NRG1: variants seen among roughly 807,000 people sequenced by gnomAD.
The protein encoded by NRG1 is pro-neuregulin-1, membrane-bound isoform.
In NRG1, 18 loss-of-function variants were observed where a neutral mutation model predicts 63.8. The ratio of observed to expected loss-of-function variants is 0.28; its 90% CI spans 0.19 to 0.42. The LOEUF (loss-of-function observed/expected upper bound fraction) is 0.42, where lower values mean the gene tolerates loss of function less well. Among genes scored for constraint, NRG1 ranks in the 10% least tolerant of loss-of-function variants. The pLI, the probability that NRG1 is intolerant of heterozygous loss-of-function variation, is 1.00. For missense variants in NRG1, 762 were observed against 814.7 expected (o/e 0.94, Z 0.79); for synonymous variants, 302 against 301.3 (o/e 1.00, Z -0.02).
At chr8:32,303,785 A>G (rs542698385) in intron 1 of NRG1, among the ~76,000 whole-genome samples, 4 of 152,358 alleles carry the variant, frequency 2.6e-5, no homozygotes, top group Admixed American at 2.6e-4. Flanking sequence ...TTTGTCTAAT[A>G]TTAACACAGT....
chr8:31,746,000 G>A (rs148369448), intron 1 of NRG1, among the ~76,000 whole-genome samples: 123 of 151,944 alleles, frequency 8.1e-4, no homozygotes, highest in African/African-American at 2.7e-3. Flanking sequence ...CTCTCTTGAC[G>A]ATAACTACTT....
chr8:32,099,605 A>C (rs1266080200), intron 1 of NRG1: 2 of 152,254 alleles, frequency 1.3e-5, no homozygotes, highest in African/African-American at 4.8e-5. Context: ...GGAGGAAAAC[A>C]TTTTGGATGG....
intron 1 of NRG1, among the ~76,000 whole-genome samples, chr8:31,743,576 G>T (rs1322232861): frequency 6.6e-6 from 1 of 150,734 alleles, no homozygotes; most frequent in African/African-American, 2.4e-5. Flanking sequence ...GTGTGTGTGG[G>T]TGTGTGTGTG....
intron 1 of NRG1, among the ~76,000 whole-genome samples, chr8:32,129,530 T>C (rs1219384249): frequency 2.0e-5 from 3 of 151,984 alleles, no homozygotes; most frequent in Non-Finnish European, 4.4e-5. Flanking sequence ...CCTATCCTAA[T>C]GGCCTCATCT....
chr8:32,625,386 G>T (rs939347772), intron 5 of NRG1, among the ~76,000 whole-genome samples: 9 of 152,170 alleles, frequency 5.9e-5, no homozygotes, highest in Admixed American at 1.3e-4. Context: ...TTGGTGTTTA[G>T]GTTGAATTTA....
At chr8:32,558,735 C>G (rs143939587) in intron 1 of NRG1, among the ~76,000 whole-genome samples, 2 of 152,246 alleles carry the variant, frequency 1.3e-5, no homozygotes, top group East Asian at 3.9e-4. Flanking sequence ...TGCATTTCAT[C>G]CACAGCTGGA....
In NRG1 at chr8:31,711,167, C is replaced by T. The variant is rs564509662; in HGVS notation, c.37+71736C>T. Among the ~76,000 whole-genome samples the T allele has an allele frequency of 2.0e-5, 3 of 152,214 alleles. No homozygotes were observed. The South Asian group carries it at 6.2e-4, about 32-fold the overall frequency. The stretch of plus-strand genomic sequence containing the variant: ...ATTTTTAAAAATTTTACCAGTTCTG[C>T]TTGGCAGAGCACATAATATTAACAT... On this transcript the variant is annotated intron_variant, in intron 1 of 10. Transcript: ENST00000519301.
chr8:31,780,621 T>G (rs1408244154), intron 1 of NRG1, among the ~76,000 whole-genome samples: 1 of 152,246 alleles, frequency 6.6e-6, no homozygotes, highest in Non-Finnish European at 1.5e-5. Context: ...TCTTCATTTC[T>G]GATTGATTTT....
chr8:32,080,769 G>A (rs1460402378), intron 1 of NRG1, among the ~76,000 whole-genome samples: 2 of 5,380 alleles, frequency 3.7e-4, no homozygotes, highest in East Asian at 0.01. Flanking sequence ...GTGTGCGTGT[G>A]TGTGTGTGTG....
intron 1 of NRG1, among the ~76,000 whole-genome samples, chr8:31,966,005 A>G (rs1037690955): frequency 3.3e-5 from 5 of 152,204 alleles, no homozygotes; most frequent in African/African-American, 4.8e-5. Flanking sequence ...AAGATGATCT[A>G]TTGGATAAAA....
chr8:31,896,715 A>G (rs754048484), intron 1 of NRG1, among the ~76,000 whole-genome samples: 70 of 152,314 alleles, frequency 4.6e-4, no homozygotes, highest in Non-Finnish European at 7.8e-4. Context: ...CTGGCATCAC[A>G]CTTTAAGAAG....
intron 1 of NRG1, among the ~76,000 whole-genome samples, chr8:31,870,285 G>A (rs1829361755): frequency 6.6e-6 from 1 of 152,046 alleles, no homozygotes. Context: ...ATTTAGAGAT[G>A]GGTTAACATA....
intron 1 of NRG1, among the ~76,000 whole-genome samples, chr8:32,042,329 T>A (rs1233942213): frequency 5.3e-5 from 8 of 152,076 alleles, no homozygotes; most frequent in Non-Finnish European, 1.2e-4. Context: ...GGCATGTGCC[T>A]GTAGTCACAG....
intron 1 of NRG1, among the ~76,000 whole-genome samples, chr8:32,458,674 G>C (rs1821922702): frequency 6.6e-6 from 1 of 151,906 alleles, no homozygotes; most frequent in Non-Finnish European, 1.5e-5. Context: ...TAACATCACT[G>C]CTCCCTCTCC....
chr8:31,690,939 A>G lies in NRG1; in HGVS notation c.37+51508A>G, dbSNP rs1809436089. Reference sequence around the variant, plus strand: ...CTGGAGTTTAGGAAAGAGGTCTGGAATATGTGTAAATATGGGAGCCATCAG... The same window carrying G: ...CTGGAGTTTAGGAAAGAGGTCTGGAGTATGTGTAAATATGGGAGCCATCAG... On this transcript the variant is annotated intron_variant, in intron 1 of 10. Coordinates refer to the NRG1 transcript ENST00000519301. 2.0e-5 allele frequency among the ~76,000 whole-genome samples: 3 copies of G among 152,164 alleles called. No homozygotes were observed. The South Asian group carries it at 6.2e-4, about 32-fold the overall frequency.
At chr8:32,645,779 G>C (rs1359547323) in intron 5 of NRG1, among the ~76,000 whole-genome samples, 1 of 152,204 alleles carries the variant, frequency 6.6e-6, no homozygotes, top group Non-Finnish European at 1.5e-5. Context: ...GTGGATTACA[G>C]GTTCAGATGC....
chr8:31,923,624 T>C (rs1250841537), intron 1 of NRG1, among the ~76,000 whole-genome samples: 2 of 152,240 alleles, frequency 1.3e-5, no homozygotes, highest in Non-Finnish European at 2.9e-5. Flanking sequence ...TGGTTTTATT[T>C]ATTTAAAAGA....
intron 1 of NRG1, among the ~76,000 whole-genome samples, chr8:32,452,012 G>C (rs530887781): frequency 1.3e-5 from 2 of 152,066 alleles, no homozygotes; most frequent in Non-Finnish European, 2.9e-5. Context: ...TTTTTTGGTA[G>C]AGACGGAGTT....
At chr8:31,797,781 T>A (rs1380478625) in intron 1 of NRG1, among the ~76,000 whole-genome samples, 1 of 152,218 alleles carries the variant, frequency 6.6e-6, no homozygotes, top group Non-Finnish European at 1.5e-5. Context: ...AGATATAGAA[T>A]CCACCTAGGT....
Sources: allele counts gnomAD v4.1 joint callset (sites outside exome capture counted in the v4.1 genomes callset), GRCh38; gene constraint gnomAD v4.1.1; transcripts MANE v1.5; gene names NCBI Gene and HGNC (gene_info 2026-07-23, HGNC 2026-07-21).